The following PCCA variants were observed in gnomAD, a reference collection of about 807,000 sequenced individuals.
The protein encoded by PCCA is propionyl-CoA carboxylase alpha chain, mitochondrial.
In PCCA, 74 loss-of-function variants were observed where a neutral mutation model predicts 101.3. That is an observed-to-expected ratio of 0.73 (90% CI 0.61 to 0.89). The LOEUF is 0.89. PCCA is among the 40% of genes least tolerant of loss of function. The pLI, the probability that PCCA is intolerant of heterozygous loss-of-function variation, is 0.00. For missense variants in PCCA, 891 were observed against 907.0 expected, an observed-to-expected ratio of 0.98 and a Z score of 0.23; for synonymous variants, 294 against 313.6, an observed-to-expected ratio of 0.94 and a Z score of 0.66.
At chr13:100,133,965 C>G (rs1221805213) in intron 4 of PCCA, among the ~76,000 whole-genome samples, 4 of 152,192 alleles carry the variant, frequency 2.6e-5, no homozygotes, top group Non-Finnish European at 5.9e-5. Flanking sequence ...ACTGGTTTGC[C>G]AGGGGCTCTG....
intron 20 of PCCA, among the ~76,000 whole-genome samples, chr13:100,428,276 C>T (rs2079295474): frequency 6.6e-6 from 1 of 151,754 alleles, no homozygotes; most frequent in South Asian, 2.1e-4. Flanking sequence ...CTATGTTGCC[C>T]AGGCTGGTTT....
rs1346538949 is a variant in PCCA, at chr13:100,330,643, C to T, written c.1512C>T (p.Leu504=). Residue 504 remains leucine (L), a synonymous_variant, in exon 17 of 24, where the codon CTC becomes CTT. Coordinates refer to ENST00000376285, the MANE Select transcript of PCCA (RefSeq NM_000282.4). The part of the protein sequence containing the change: ...FVKGDISTKF[L]SDVYPDGFKG... ...AAGGAGACATCAGCACTAAATTTCTCTCCGATGTGTATCCTGATGGCTTCA... is the reference window on the plus strand; with the variant it reads ...AAGGAGACATCAGCACTAAATTTCTTTCCGATGTGTATCCTGATGGCTTCA... 3.1e-6 allele frequency: 5 copies of T among 1,609,320 alleles called. No individual in the cohort carries two copies. The highest frequency in any genetic ancestry group is 4.3e-6 in the Non-Finnish European group (5 of 1,175,960).
At chr13:100,324,244 A>C (rs2068394964) in intron 16 of PCCA, among the ~76,000 whole-genome samples, 2 of 152,292 alleles carry the variant, frequency 1.3e-5, no homozygotes, top group Non-Finnish European at 2.9e-5. Context: ...CTGGATGACC[A>C]AGATTAGATA....
intron 18 of PCCA, among the ~76,000 whole-genome samples, chr13:100,359,242 G>GA (rs2152797582): frequency 6.6e-6 from 1 of 152,162 alleles, no homozygotes; most frequent in South Asian, 2.1e-4. Flanking sequence ...AGAAACTTCA[G>GA]AAAAAATATT....
At chr13:100,150,761 GC>G in intron 4 of PCCA, 1 of 1,589,936 alleles carries the variant, frequency 6.3e-7, no homozygotes. Context: ...GACTCTCAAA[GC>G]CCCACAGTGG....
intron 9 of PCCA, among the ~76,000 whole-genome samples, chr13:100,260,988 A>G (rs1294658776): frequency 1.3e-5 from 2 of 151,942 alleles, no homozygotes; most frequent in East Asian, 3.9e-4. Flanking sequence ...CAAATCAGAT[A>G]GTTGTTTTTT....
intron 16 of PCCA, among the ~76,000 whole-genome samples, chr13:100,328,903 A>C (rs1344927889): frequency 1.3e-5 from 2 of 151,102 alleles, no homozygotes; most frequent in African/African-American, 4.9e-5. Context: ...TGTGTTGGCC[A>C]GGCTGGTCTC....
rs116479284 is a variant in PCCA at position 100,128,605 on chromosome 13, C to T, written c.300+16544C>T. Among the ~76,000 whole-genome samples the T allele has an allele frequency of 8.4e-3, 1,282 of 152,154 alleles. 21 individuals are homozygous for T. The highest frequency in any genetic ancestry group is 0.029 in the African/African-American group (1,218 of 41,504). ...TCAGCCAGCTAGGCAGACAAGACCGCGTGCGCAAAGGCTCTGAGTCACCCC... is the reference window on the plus strand; with the variant it reads ...TCAGCCAGCTAGGCAGACAAGACCGTGTGCGCAAAGGCTCTGAGTCACCCC... On this transcript the variant is annotated intron_variant, in intron 4 of 23. Transcript: ENST00000376285.
chr13:100,487,424 G>T (rs1469995332), intron 21 of PCCA, among the ~76,000 whole-genome samples: 2 of 152,180 alleles, frequency 1.3e-5, no homozygotes, highest in Admixed American at 1.3e-4. Flanking sequence ...AAGACTTTAA[G>T]ATTATTGACT....
intron 18 of PCCA, among the ~76,000 whole-genome samples, chr13:100,356,784 T>C (rs1178339849): frequency 6.6e-6 from 1 of 152,216 alleles, no homozygotes; most frequent in African/African-American, 2.4e-5. Flanking sequence ...GTGGCATTTT[T>C]CATAATAGCC....
At chr13:100,491,253 A>G (rs2084885144) in intron 21 of PCCA, 1 of 167,578 alleles carries the variant, frequency 6.0e-6, no homozygotes, top group Non-Finnish European at 1.3e-5. Context: ...TATAATAAAC[A>G]GAACCATTAA....
chr13:100,373,672 G>A (rs554696944), intron 19 of PCCA, among the ~76,000 whole-genome samples: 84 of 152,328 alleles, frequency 5.5e-4, no homozygotes, highest in African/African-American at 1.7e-3. Context: ...GGAGGTAGAT[G>A]GTGGTGATGG....
At chr13:100,121,844 T>G (rs939071239) in intron 4 of PCCA, among the ~76,000 whole-genome samples, 2 of 152,220 alleles carry the variant, frequency 1.3e-5, no homozygotes, top group Non-Finnish European at 2.9e-5. Context: ...TGGATGCTTT[T>G]TATTTCATAT....
intron 19 of PCCA, among the ~76,000 whole-genome samples, chr13:100,405,225 G>A (rs1261317765): frequency 6.6e-6 from 1 of 152,128 alleles, no homozygotes; most frequent in Non-Finnish European, 1.5e-5. Flanking sequence ...CGGAGTGATG[G>A]GCATCCTATT....
At chr13:100,526,680 C>T (rs1349419892) in intron 22 of PCCA, among the ~76,000 whole-genome samples, 4 of 152,256 alleles carry the variant, frequency 2.6e-5, no homozygotes, top group African/African-American at 9.6e-5. Flanking sequence ...CCTGGACTTG[C>T]CCGTTTCAAA....
chr13:100,432,103 C>T (rs79573561), intron 20 of PCCA, among the ~76,000 whole-genome samples: 3,552 of 151,876 alleles, frequency 0.023, 152 homozygotes, highest in African/African-American at 0.081. Context: ...AGAGGCTGGA[C>T]CCCTGCACTC....
chr13:100,189,135 G>C (rs2057551653), intron 6 of PCCA, among the ~76,000 whole-genome samples: 1 of 152,200 alleles, frequency 6.6e-6, no homozygotes, highest in East Asian at 1.9e-4. Flanking sequence ...AAAACATGCG[G>C]TGTTTGGTTT....
chr13:100,304,391 CA>C (rs1387376421), intron 14 of PCCA, among the ~76,000 whole-genome samples: 2 of 152,180 alleles, frequency 1.3e-5, no homozygotes, highest in Non-Finnish European at 2.9e-5. Context: ...TTGCTGGGAG[CA>C]ATCAAATTGA....
At chr13:100,527,904 C>T in intron 23 of PCCA, 152 bp downstream of exon 23, 1 of 712,964 alleles carries the variant, frequency 1.4e-6, no homozygotes, top group Non-Finnish European at 2.5e-6. Flanking sequence ...GAGCTTTTGC[C>T]ATTCTGCCCT....
Sources: gnomAD v4.1 joint callset for allele counts (sites outside exome capture counted in the v4.1 genomes callset) on GRCh38, gnomAD v4.1.1 for gene constraint, MANE v1.5 for transcripts, NCBI Gene and HGNC (gene_info 2026-07-23, HGNC 2026-07-21) for gene names.